CUEDC1: variants seen among roughly 807,000 people sequenced by gnomAD.
CUEDC1 encodes the protein CUE domain-containing protein 1.
CUEDC1 carries 30 observed loss-of-function variants against 43.7 expected under a neutral mutation model. The observed-to-expected ratio is 0.69, with a 90% CI of 0.51 to 0.93. The LOEUF (loss-of-function observed/expected upper bound fraction) is 0.93, where lower values mean the gene tolerates loss of function less well. CUEDC1 is among the 40% of genes least tolerant of loss of function. CUEDC1 has a pLI of 0.00. For missense variants in CUEDC1, 486 were observed against 549.0 expected (o/e 0.89, Z 1.15); for synonymous variants, 223 against 223.6 (o/e 1.00, Z 0.02).
intron 7 of CUEDC1, chr17:57,868,522 T>G: frequency 1.3e-5 from 6 of 472,552 alleles, no homozygotes; most frequent in East Asian, 4.0e-5. Flanking sequence ...GATCCAAGTA[T>G]TCCCTCCCCA....
chr17:57,933,912 A>G (rs1293802838), intron 1 of CUEDC1, among the ~76,000 whole-genome samples: 5 of 152,246 alleles, frequency 3.3e-5, no homozygotes, highest in South Asian at 4.1e-4. Context: ...GGCCAGCCCA[A>G]TGTTAACAGA....
intron 6 of CUEDC1, among the ~76,000 whole-genome samples, 200 bp from the exon 7 acceptor site, chr17:57,869,393 TGGGGA>T (rs2074005508): frequency 6.6e-6 from 1 of 152,138 alleles, no homozygotes; most frequent in Admixed American, 6.5e-5. Context: ...TCTGTAAAAA[TGGGGA>T]GGGTTCAGCG....
intron 3 of CUEDC1, among the ~76,000 whole-genome samples, chr17:57,877,514 G>A (rs567142639): frequency 1.4e-5 from 2 of 147,326 alleles, no homozygotes; most frequent in Admixed American, 7.0e-5. Flanking sequence ...TTTCCCTTCT[G>A]AAAATAGGTG....
chr17:57,868,391 A>G (rs2073990414), intron 7 of CUEDC1, 148 bp from the exon 8 acceptor site: 2 of 682,998 alleles, frequency 2.9e-6, no homozygotes, highest in African/African-American at 1.8e-5. Context: ...GGAGGGAGAG[A>G]TGACAGGAAT....
rs1038475744 is a variant in CUEDC1 at position 57,861,741 on chromosome 17, C to A, written c.*1548G>T. 5 of 152,156 alleles carry A rather than the reference C, an allele frequency of 3.3e-5. No homozygotes were observed. The highest frequency in any genetic ancestry group is 1.2e-4 in the African/African-American group (5 of 41,436). 9.4% of individuals were successfully genotyped at this position (152,156 alleles called of 1,614,324 possible). On this transcript the variant is annotated 3_prime_UTR_variant, in exon 11 of 11. Coordinates refer to ENST00000577830, the MANE Select transcript of CUEDC1 (RefSeq NM_001271875.2). Reference sequence around the variant, plus strand: ...TCCCCCACAGTGCGCCGGGTCCTGGCGCGGGGAAGGCTCAGAGACCCGTCG... The same window carrying A: ...TCCCCCACAGTGCGCCGGGTCCTGGAGCGGGGAAGGCTCAGAGACCCGTCG...
chr17:57,862,099 G>T lies in CUEDC1; in HGVS notation c.*1190C>A, dbSNP rs7209654. The T allele has an allele frequency of 0.32, 48,513 of 152,116 alleles. 12,081 individuals carry two copies. Among genetic ancestry groups the T allele is most frequent in the African/African-American group, 0.7 (28,815 of 41,450 alleles). The allele number at this position is 152,116 out of a possible 1,614,324, so 9.4% of individuals were successfully genotyped here. A position where few individuals can be genotyped will look rare whatever the true frequency, so the allele number is the denominator to read the frequency against. On this transcript the variant is annotated 3_prime_UTR_variant, in exon 11 of 11. Coordinates refer to ENST00000577830, the MANE Select transcript of CUEDC1 (RefSeq NM_001271875.2). ...ATCGGATGCCACTCCCAACCTCCCA[G>T]AGCCGCGCCGAAGCCTCGTGCCTGC...
Position 57,879,613 on chromosome 17 carries a change from G to A in CUEDC1, c.462C>T (p.Pro154=). The change falls in exon 3 of 11, where the codon CCC becomes CCT. Residue 154 remains proline, a splice_region_variant and synonymous_variant. Coordinates refer to ENST00000577830, the MANE Select transcript of CUEDC1 (RefSeq NM_001271875.2). The part of the protein sequence containing the change: ...PYPLAPPTPP[P]RIDALGSGAP... ...TCTGAGACATGACAGATTCTCACCG[G>A]GGAGGCGGAGTCGGGGGAGCCAGAG... The A allele has an allele frequency of 6.3e-7, 1 of 1,590,012 alleles. No individual in the cohort carries two copies. Among genetic ancestry groups the A allele is most frequent in the Non-Finnish European group, 8.5e-7 (1 of 1,172,188 alleles).
intron 10 of CUEDC1, 93 bp downstream of exon 10, chr17:57,866,381 C>A: frequency 8.3e-7 from 1 of 1,200,004 alleles, no homozygotes; most frequent in Middle Eastern, 2.6e-4. Context: ...CTGAGCCCAG[C>A]GCCTCTGGAC....
intron 1 of CUEDC1, among the ~76,000 whole-genome samples, chr17:57,933,895 TGA>T (rs2143170562): frequency 6.6e-6 from 1 of 152,254 alleles, no homozygotes; most frequent in South Asian, 2.1e-4. Flanking sequence ...GGGACCTGGC[TGA>T]GAGAGGCCAG....
chr17:57,867,230 T>C, intron 9 of CUEDC1, 127 bp downstream of exon 9: 10 of 886,126 alleles, frequency 1.1e-5, no homozygotes, highest in Non-Finnish European at 1.8e-5. Flanking sequence ...TTGGGTCACC[T>C]GCCCACCAAC....
intron 1 of CUEDC1, among the ~76,000 whole-genome samples, chr17:57,887,368 A>G (rs1198615133): frequency 6.6e-6 from 1 of 152,148 alleles, no homozygotes; most frequent in African/African-American, 2.4e-5. Context: ...CTAAACACCA[A>G]CTTCTGACAG....
At chr17:57,924,495 G>A (rs1219852703) in intron 1 of CUEDC1, among the ~76,000 whole-genome samples, 1 of 152,234 alleles carries the variant, frequency 6.6e-6, no homozygotes, top group African/African-American at 2.4e-5. Context: ...AGGGAAAAGT[G>A]TGTAAATCAA....
At chr17:57,906,969 C>A (rs2074535674) in intron 1 of CUEDC1, among the ~76,000 whole-genome samples, 1 of 133,740 alleles carries the variant, frequency 7.5e-6, no homozygotes, top group East Asian at 2.0e-4. Flanking sequence ...GAAACTCTGC[C>A]TCACAAAAAA....
At chr17:57,869,352 C>G (rs1357570376) in intron 6 of CUEDC1, among the ~76,000 whole-genome samples, 159 bp from the exon 7 acceptor site, 1 of 152,096 alleles carries the variant, frequency 6.6e-6, no homozygotes, top group Non-Finnish European at 1.5e-5. Context: ...TCCAGGAGCT[C>G]CTCTTTCCCC....
intron 1 of CUEDC1, among the ~76,000 whole-genome samples, chr17:57,902,788 T>C (rs1201089523): frequency 1.3e-5 from 2 of 152,188 alleles, no homozygotes; most frequent in South Asian, 2.1e-4. Flanking sequence ...ACAAACCCTA[T>C]AGCAGAGAGC....
At position 57,869,173 on chromosome 17, in the gene CUEDC1, C is replaced by G. The variant is rs1340936408; in HGVS notation, c.889G>C (p.Ala297Pro). 6.2e-7 allele frequency: 1 copy of G among 1,613,844 alleles called. No individual in the cohort carries two copies. Among genetic ancestry groups the G allele is most frequent in the Non-Finnish European group, 8.5e-7 (1 of 1,179,944 alleles). ...CTGAATAAGGCATCTTCAGACACAG[C>G]GGGGTTGGCGTCGCCAGTTCCTGGA... ...PVPGTGDANP[A>P]VSEDALFRDK... Residue 297 changes from alanine (A) to proline (P), a missense_variant, in exon 7 of 11, where the codon GCT becomes CCT. Coordinates refer to ENST00000577830, the MANE Select transcript of CUEDC1 (RefSeq NM_001271875.2).
At chr17:57,872,964 T>C in intron 4 of CUEDC1, 109 bp from the exon 5 acceptor site, 1 of 1,036,996 alleles carries the variant, frequency 9.6e-7, no homozygotes. Context: ...CCTCCAGCCC[T>C]CACCTGAGGC....
At chr17:57,935,070 A>G (rs2074847110) in intron 1 of CUEDC1, among the ~76,000 whole-genome samples, 1 of 152,212 alleles carries the variant, frequency 6.6e-6, no homozygotes, top group African/African-American at 2.4e-5. Flanking sequence ...GAATCCAGGG[A>G]CCAAGCTCCC....
intron 1 of CUEDC1, among the ~76,000 whole-genome samples, chr17:57,913,906 G>T (rs767918643): frequency 1.3e-5 from 2 of 152,144 alleles, no homozygotes; most frequent in Non-Finnish European, 2.9e-5. Flanking sequence ...AAGGATTCAG[G>T]TTGTAGATCT....
Sources: allele counts gnomAD v4.1 joint callset (sites outside exome capture counted in the v4.1 genomes callset), GRCh38; gene constraint gnomAD v4.1.1; transcripts MANE v1.5; gene names NCBI Gene and HGNC (gene_info 2026-07-23, HGNC 2026-07-21).